PEMT: variants seen among roughly 807,000 people sequenced by gnomAD.
The protein encoded by PEMT is phosphatidylethanolamine N-methyltransferase, also known as phospholipid methyltransferase.
PEMT carries 23 observed loss-of-function variants against 27.4 expected under a neutral mutation model. The observed-to-expected ratio is 0.84, with a 90% CI of 0.60 to 1.19. The LOEUF is 1.19. Among genes scored for constraint, PEMT ranks in the 50% most tolerant of loss-of-function variants. The pLI is 0.00. For missense variants in PEMT, 307 were observed against 310.1 expected (o/e 0.99, Z 0.07); for synonymous variants, 137 against 139.1 (o/e 0.98, Z 0.11).
intron 2 of PEMT, among the ~76,000 whole-genome samples, chr17:17,564,386 T>C (rs1346060919): frequency 6.6e-6 from 1 of 151,950 alleles, no homozygotes; most frequent in Admixed American, 6.6e-5. Flanking sequence ...CTCTTCCCCA[T>C]CTCCCTTGGA....
chr17:17,563,703 T>C (rs8066187), intron 2 of PEMT, among the ~76,000 whole-genome samples: 10,106 of 152,260 alleles, frequency 0.066, 867 homozygotes, highest in African/African-American at 0.19. Context: ...AGCCCGGCTG[T>C]CCACACCAAG....
At chr17:17,526,304 G>C (rs1486022771) in intron 2 of PEMT, among the ~76,000 whole-genome samples, 1 of 152,164 alleles carries the variant, frequency 6.6e-6, no homozygotes, top group East Asian at 1.9e-4. Context: ...AACAGGAATG[G>C]GGTCGAGACC....
chr17:17,580,012 C>G (rs1911883194), intron 1 of PEMT, among the ~76,000 whole-genome samples: 1 of 152,158 alleles, frequency 6.6e-6, no homozygotes, highest in South Asian at 2.1e-4. Flanking sequence ...GGCCCACACT[C>G]CCCAGAGCAG....
chr17:17,532,405 C>CA (rs1001753462), intron 2 of PEMT, among the ~76,000 whole-genome samples: 5 of 151,798 alleles, frequency 3.3e-5, no homozygotes, highest in African/African-American at 9.7e-5. Flanking sequence ...AAGCAGGAAT[C>CA]AAAAAAACAA....
At chr17:17,527,736 A>G (rs1369687736) in intron 2 of PEMT, among the ~76,000 whole-genome samples, 3 of 152,208 alleles carry the variant, frequency 2.0e-5, no homozygotes, top group African/African-American at 7.2e-5. Flanking sequence ...TTGGCCTGAC[A>G]GGCCCCGGCA....
intron 3 of PEMT, among the ~76,000 whole-genome samples, chr17:17,516,130 C>T (rs1260703547): frequency 6.6e-6 from 1 of 152,116 alleles, no homozygotes; most frequent in African/African-American, 2.4e-5. Flanking sequence ...CAACGTCGTC[C>T]ACATCCATGT....
intron 3 of PEMT, among the ~76,000 whole-genome samples, chr17:17,521,837 G>T (rs542670488): frequency 1.3e-5 from 2 of 152,226 alleles, no homozygotes; most frequent in East Asian, 3.9e-4. Context: ...AAAGTGCTAG[G>T]ATTACAGGTG....
intron 3 of PEMT, among the ~76,000 whole-genome samples, chr17:17,517,743 G>T (rs1480043389): frequency 6.6e-6 from 1 of 152,210 alleles, no homozygotes; most frequent in African/African-American, 2.4e-5. Flanking sequence ...TATACAGAGC[G>T]CTGAGGTGAG....
intron 1 of PEMT, among the ~76,000 whole-genome samples, chr17:17,589,988 T>C (rs1912508972): frequency 6.6e-6 from 1 of 152,168 alleles, no homozygotes; most frequent in East Asian, 1.9e-4. Flanking sequence ...TGGCAGGCCC[T>C]GGGGCAGGCC....
chr17:17,547,419 A>G (rs1009861142), intron 2 of PEMT, among the ~76,000 whole-genome samples: 3 of 152,232 alleles, frequency 2.0e-5, no homozygotes, highest in South Asian at 2.1e-4. Context: ...GATGCCAGAG[A>G]TGCGCTCGCC....
intron 2 of PEMT, among the ~76,000 whole-genome samples, chr17:17,536,857 C>A (rs776710319): frequency 2.0e-5 from 3 of 152,222 alleles, no homozygotes; most frequent in Admixed American, 1.3e-4. Flanking sequence ...CTACTCAGGG[C>A]GGCTCTGGTT....
intron 1 of PEMT, among the ~76,000 whole-genome samples, chr17:17,577,859 T>C (rs1424027578): frequency 6.6e-6 from 1 of 151,522 alleles, no homozygotes; most frequent in South Asian, 2.1e-4. Flanking sequence ...CTACTAAAAA[T>C]ACAAAAAATT....
chr17:17,561,961 G>A lies in PEMT; in HGVS notation c.204+14959C>T, dbSNP rs532848716. Among the ~76,000 whole-genome samples the A allele has an allele frequency of 5.8e-4, 88 of 152,346 alleles. No individual in the cohort carries two copies. Among genetic ancestry groups the A allele is most frequent in the African/African-American group, 2.0e-3 (83 of 41,586 alleles). The stretch of plus-strand genomic sequence containing the variant: ...GCGCAGGGCATGTGAGGGCACCCCA[G>A]GCTCCGGTGGGAGGGGCCTCAGGAC... On this transcript the variant is annotated intron_variant, in intron 2 of 6. Transcript: ENST00000255389. This position sits in a 1 kb window ranked among gnomAD's most constrained non-coding sequence, Gnocchi z 4.5.
chr17:17,557,071 T>C (rs1280274491), intron 2 of PEMT, among the ~76,000 whole-genome samples: 1 of 152,200 alleles, frequency 6.6e-6, no homozygotes, highest in Non-Finnish European at 1.5e-5. Context: ...GCCAGAGGAT[T>C]CAGTCCCAGG....
chr17:17,565,302 A>AGGAGAG (rs1910758646), intron 2 of PEMT: 1 of 152,806 alleles, frequency 6.5e-6, no homozygotes, highest in Admixed American at 6.5e-5. Flanking sequence ...ACCAGCCACC[A>AGGAGAG]ACACCTGCAG....
At chr17:17,556,380 T>G (rs1910055094) in intron 2 of PEMT, among the ~76,000 whole-genome samples, 1 of 22,374 alleles carries the variant, frequency 4.5e-5, no homozygotes, top group Non-Finnish European at 8.8e-5. Context: ...CTCTCTCACT[T>G]TTTTTTTTTT....
In PEMT at chr17:17,577,576, C is replaced by T. The variant is rs1004669233; in HGVS notation, c.97-549G>A. ...CCACGCCACCCGCATACGGGGGGCA[C>T]GTGGACACTGCCCCCGCCCCGCCAT... On this transcript the variant is annotated intron_variant, in intron 1 of 6. Transcript: ENST00000255389. 52 of 932,156 alleles carry T rather than the reference C, an allele frequency of 5.6e-5. 1 individual carries two copies. Among genetic ancestry groups the T allele is most frequent in the African/African-American group, 1.6e-4 (9 of 55,744 alleles). The allele number at this position is 932,156 out of a possible 1,614,324, so 57.7% of individuals were successfully genotyped here.
chr17:17,577,878 A>G (rs1036115523), intron 1 of PEMT, among the ~76,000 whole-genome samples: 9 of 151,756 alleles, frequency 5.9e-5, no homozygotes, highest in East Asian at 2.0e-4. Flanking sequence ...TTAGCCGGGC[A>G]TGGTGGCGGG....
chr17:17,558,745 G>A (rs1019192578), intron 2 of PEMT, among the ~76,000 whole-genome samples: 4 of 148,770 alleles, frequency 2.7e-5, no homozygotes, highest in Non-Finnish European at 5.9e-5. Context: ...GCTTGACAAC[G>A]GGTTTGTAGT....
Sources: allele counts gnomAD v4.1 joint callset (sites outside exome capture counted in the v4.1 genomes callset), GRCh38; gene constraint gnomAD v4.1.1; non-coding constraint Gnocchi (gnomAD v3.1); transcripts MANE v1.5; gene names NCBI Gene and HGNC (gene_info 2026-07-23, HGNC 2026-07-21).